Variants in PHF14 observed in about 807,000 individuals in gnomAD.
PHF14 encodes the protein PHD finger protein 14.
In PHF14, 55 loss-of-function variants were observed where a neutral mutation model predicts 117.9. The ratio of observed to expected loss-of-function variants is 0.47; its 90% confidence interval spans 0.38 to 0.58. PHF14 has a LOEUF of 0.58. Among genes scored for constraint, PHF14 ranks in the 20% least tolerant of loss-of-function variants. PHF14 has a pLI of 0.00. For missense variants in PHF14, 978 were observed against 1,122.2 expected (o/e 0.87, Z 1.84); for synonymous variants, 409 against 368.6 (o/e 1.11, Z -1.26).
chr7:11,020,962 A>G (rs1410519230), intron 5 of PHF14, among the ~76,000 whole-genome samples: 1 of 152,166 alleles, frequency 6.6e-6, no homozygotes, highest in Non-Finnish European at 1.5e-5. Flanking sequence ...GACACTTATA[A>G]TTGATTACTG....
At chr7:11,022,713 T>C (rs1208289715) in intron 5 of PHF14, among the ~76,000 whole-genome samples, 155 bp from the exon 6 acceptor site, 1 of 152,200 alleles carries the variant, frequency 6.6e-6, no homozygotes, top group Non-Finnish European at 1.5e-5. Flanking sequence ...GTGTTTCATA[T>C]TTTTTAATGA....
chr7:11,155,487 C>T (rs1788815430), intron 17 of PHF14, among the ~76,000 whole-genome samples: 1 of 152,174 alleles, frequency 6.6e-6, no homozygotes. Flanking sequence ...CTGACTTACC[C>T]TTCCCACTGT....
intron 7 of PHF14, 22 bp from the exon 8 acceptor site, chr7:11,035,618 T>G: frequency 6.6e-7 from 1 of 1,525,982 alleles, no homozygotes. Flanking sequence ...GTTCACTATT[T>G]TTCTGTGCTT....
In PHF14 at chr7:11,062,058, G is replaced by T. The variant is rs1168790533; in HGVS notation, c.2627G>T (p.Gly876Val). 6.2e-7 allele frequency: 1 copy of T among 1,608,186 alleles called. No homozygotes were observed. Among genetic ancestry groups the T allele is most frequent in the Non-Finnish European group, 8.5e-7 (1 of 1,177,048 alleles). Residue 876 changes from glycine (G) to valine (V), a missense_variant, in exon 16 of 18, where the codon GGA becomes GTA. Gly to Val is a moderately radical substitution (Grantham distance 109, BLOSUM62 -3). Coordinates refer to ENST00000634607, the MANE Select transcript of PHF14 (RefSeq NM_001007157.2). ...DLRTECATCKGTGDNENLVRC... is the reference protein window; with the variant it reads ...DLRTECATCKVTGDNENLVRC... ...AGAACTGAATGTGCAACTTGCAAGG[G>T]AACTGGAGACAATGAAAATCTTGTC...
intron 4 of PHF14, among the ~76,000 whole-genome samples, chr7:10,997,323 G>A (rs1429323225): frequency 6.6e-6 from 1 of 152,154 alleles, no homozygotes; most frequent in East Asian, 1.9e-4. Context: ...TAAAAGAAGG[G>A]AAAGTGCAAA....
At position 11,049,335 on chromosome 7, in the gene PHF14, C is replaced by T. The variant is rs182766344; in HGVS notation, c.2313-2277C>T. Among the ~76,000 whole-genome samples the T allele has an allele frequency of 1.3e-3, 196 of 152,002 alleles. 1 individual carries two copies. The highest frequency in any genetic ancestry group is 4.6e-3 in the African/African-American group (192 of 41,466). On this transcript the variant is annotated intron_variant, in intron 13 of 17. Transcript: ENST00000634607. ...ACTAAAAAATCCAAAATTAACTGTG[C>T]GTGGTGGCACACACCTGTAGTCCCA...
chr7:10,995,028 T>A (rs1782585966), intron 4 of PHF14, among the ~76,000 whole-genome samples: 1 of 152,174 alleles, frequency 6.6e-6, no homozygotes, highest in South Asian at 2.1e-4. Context: ...GACAGGGTGC[T>A]GATTGGTGTG....
Position 11,009,901 on chromosome 7 carries a change from G to C in PHF14, c.1046-3846G>C, listed in dbSNP as rs1383571640. ...AGAATCATTCCTAAGATTAACTGTAGGAGGTTTAAAACTCTGTGCAAATGT... is the reference window on the plus strand; with the variant it reads ...AGAATCATTCCTAAGATTAACTGTACGAGGTTTAAAACTCTGTGCAAATGT... On this transcript the variant is annotated intron_variant, in intron 4 of 17. Transcript: ENST00000634607. 2.6e-5 allele frequency among the ~76,000 whole-genome samples: 4 copies of C among 152,156 alleles called. No homozygotes were observed. In the South Asian group the frequency reaches 6.2e-4, roughly 24 times the overall value.
At chr7:11,165,223 G>A (rs1178892058) in intron 17 of PHF14, among the ~76,000 whole-genome samples, 4 of 152,064 alleles carry the variant, frequency 2.6e-5, no homozygotes, top group Admixed American at 1.3e-4. Flanking sequence ...GTAGCCGGCC[G>A]ACCTTGACAT....
At chr7:11,145,570 T>C (rs1449114495) in intron 17 of PHF14, among the ~76,000 whole-genome samples, 1 of 151,972 alleles carries the variant, frequency 6.6e-6, no homozygotes, top group African/African-American at 2.4e-5. Flanking sequence ...TGAAAGCATT[T>C]TTCCAGTTTT....
chr7:11,025,528 T>G (rs1465639716), intron 6 of PHF14, among the ~76,000 whole-genome samples: 1 of 152,170 alleles, frequency 6.6e-6, no homozygotes, highest in Non-Finnish European at 1.5e-5. Context: ...GCACGGTGGC[T>G]CACACCTGTA....
At chr7:10,990,989 G>T in intron 4 of PHF14, 142 bp downstream of exon 4, 1 of 587,228 alleles carries the variant, frequency 1.7e-6, no homozygotes, top group African/African-American at 1.9e-5. Context: ...TATTTTTCAG[G>T]TTATCTTTTC....
intron 13 of PHF14, among the ~76,000 whole-genome samples, chr7:11,047,178 C>T (rs1386814904): frequency 6.6e-6 from 1 of 151,966 alleles, no homozygotes; most frequent in African/African-American, 2.4e-5. Flanking sequence ...AAGCAATTCT[C>T]CTGCCTCAGC....
intron 14 of PHF14, among the ~76,000 whole-genome samples, chr7:11,057,162 T>G (rs1280953601): frequency 6.6e-6 from 1 of 152,202 alleles, no homozygotes; most frequent in Non-Finnish European, 1.5e-5. Context: ...CCTAGTTTAC[T>G]GATATCAAAG....
At chr7:10,980,831 C>G (rs1350710944) in intron 2 of PHF14, among the ~76,000 whole-genome samples, 1 of 152,078 alleles carries the variant, frequency 6.6e-6, no homozygotes, top group Admixed American at 6.6e-5. Flanking sequence ...CCTTGAAAAT[C>G]TGAGAAATTA....
At chr7:11,023,414 G>T (rs190111282) in intron 6 of PHF14, among the ~76,000 whole-genome samples, 48 of 152,296 alleles carry the variant, frequency 3.2e-4, no homozygotes, top group Non-Finnish European at 3.5e-4. Flanking sequence ...GCCCTTAATA[G>T]ATGGTGAACT....
At chr7:11,111,681 ATTTAG>A (rs1246951960) in intron 17 of PHF14, among the ~76,000 whole-genome samples, 2 of 152,090 alleles carry the variant, frequency 1.3e-5, no homozygotes, top group African/African-American at 2.4e-5. Context: ...TCTCTGGAAT[ATTTAG>A]TTGTTTTACG....
Position 10,974,036 on chromosome 7 carries a change from C to T in PHF14, c.-288C>T. On this transcript the variant is annotated 5_prime_UTR_variant, in exon 1 of 18. Transcript: ENST00000634607. ...TAGTTTTAACGGGAGAAATTAACTC[C>T]CCGGGGCCGCCGGGTTGACTGCGCT... 1 of 404,074 alleles carries T rather than the reference C, an allele frequency of 2.5e-6. No individual in the cohort carries two copies. Among genetic ancestry groups the T allele is most frequent in the Admixed American group, 3.7e-5 (1 of 26,718 alleles). 25.0% of individuals were successfully genotyped at this position (404,074 alleles called of 1,614,324 possible).
At chr7:11,044,571 G>A (rs188475858) in intron 13 of PHF14, among the ~76,000 whole-genome samples, 1 of 152,222 alleles carries the variant, frequency 6.6e-6, no homozygotes, top group East Asian at 1.9e-4. Flanking sequence ...ATTTTGGAGT[G>A]TGCAAGATTC....
Sources: gnomAD v4.1 joint callset for allele counts (sites outside exome capture counted in the v4.1 genomes callset) on GRCh38, gnomAD v4.1.1 for gene constraint, MANE v1.5 for transcripts, NCBI Gene and HGNC (gene_info 2026-07-23, HGNC 2026-07-21) for gene names.